The following FMR1 variants were observed in gnomAD, a reference collection of about 807,000 sequenced individuals.
FMR1 encodes FMRP translational regulator 1.
FMR1 carries 13 observed loss-of-function variants against 50.6 expected under a neutral mutation model. The ratio of observed to expected loss-of-function variants is 0.26; its 90% CI spans 0.17 to 0.41. The LOEUF is 0.41. Among genes scored for constraint, FMR1 ranks in the 10% least tolerant of loss-of-function variants. The pLI is 1.00. For synonymous variants in FMR1, 138 were observed against 164.1 expected (o/e 0.84, Z 1.22); for missense variants, 316 against 491.3 (o/e 0.64, Z 3.37).
At chrX:147,942,239 C>T (rs2044033081) in intron 13 of FMR1, among the ~76,000 whole-genome samples, 2 of 112,003 alleles carry the variant, frequency 1.8e-5, no homozygotes, top group South Asian at 7.4e-4. Context: ...CTATGATAAC[C>T]TCTGCTTCAC....
At position 147,945,064 on chromosome X, in the gene FMR1, T is replaced by G; in HGVS notation, c.1654+13T>G. On this transcript the variant is annotated intron_variant, in intron 15 of 16. Transcript: ENST00000370475. ...GGAGGCTTCAAAGGTATGGAGATCT[T>G]CATTAAGAAATCAAAGTGAATTGTA... 2.6e-6 allele frequency: 3 copies of G among 1,169,326 alleles called. No homozygotes were observed. Among genetic ancestry groups the G allele is most frequent in the African/African-American group, 1.8e-5 (1 of 56,181 alleles).
Position 147,918,316 on chromosome X carries a change from G to A in FMR1, c.52-3617G>A, listed in dbSNP as rs920125310. Among the ~76,000 whole-genome samples, 27 of 111,734 alleles carry A rather than the reference G, an allele frequency of 2.4e-4. 1 individual carries two copies. The highest frequency in any genetic ancestry group is 2.0e-3 in the Admixed American group (21 of 10,573). ...TCCTTCACGCGAGTGTAGACCAAAC[G>A]TAACCTATGAGTTTCTTTTATTCCA... is the stretch of plus-strand genomic sequence containing the variant. On this transcript the variant is annotated intron_variant, in intron 1 of 16. Coordinates refer to ENST00000370475, the MANE Select transcript of FMR1 (RefSeq NM_002024.6).
At chrX:147,934,581 T>C (rs2124530013) in intron 9 of FMR1, among the ~76,000 whole-genome samples, 1 of 111,885 alleles carries the variant, frequency 8.9e-6, no homozygotes, top group East Asian at 2.8e-4. Flanking sequence ...GAAATAAGTG[T>C]AATGTAGAAT....
At chrX:147,920,613 A>G (rs1191904752) in intron 1 of FMR1, among the ~76,000 whole-genome samples, 1 of 112,057 alleles carries the variant, frequency 8.9e-6, no homozygotes, top group Non-Finnish European at 1.9e-5. Flanking sequence ...ACTCTGCAGT[A>G]TATCCGTAAA....
Position 147,912,054 on chromosome X carries a change from C to A in FMR1, c.-126C>A, listed in dbSNP as rs1931615025. ...TGCCAGGGGGCGTGCGGCAGCGCGG[C>A]GGCGGCGGCGGCGGCGGCGGCGGCG... On this transcript the variant is annotated 5_prime_UTR_variant, in exon 1 of 17. Coordinates refer to ENST00000370475, the MANE Select transcript of FMR1 (RefSeq NM_002024.6). The A allele has an allele frequency of 1.6e-5, 2 of 127,379 alleles. No homozygotes were observed. The highest frequency in any genetic ancestry group is 2.7e-5 in the Non-Finnish European group (2 of 74,411). The allele number at this position is 127,379 out of a possible 1,213,427, so 10.5% of individuals were successfully genotyped here.
Position 147,948,907 on chromosome X carries a change from A to T in FMR1, c.*63A>T. The T allele has an allele frequency of 9.1e-7, 1 of 1,102,352 alleles. No individual in the cohort carries two copies. The highest frequency in any genetic ancestry group is 1.9e-5 in the South Asian group (1 of 53,979). The allele number at this position is 1,102,352 out of a possible 1,213,427, so 90.8% of individuals were successfully genotyped here. On this transcript the variant is annotated 3_prime_UTR_variant, in exon 17 of 17. Transcript: ENST00000370475. The stretch of plus-strand genomic sequence containing the variant: ...CCGTAATTCTTATTCCATATTAGAA[A>T]ACTTTGTTAGGCCAAAGACAAATAG...
At position 147,918,555 on chromosome X, in the gene FMR1, C is replaced by CTTTTTTTTTTTTTTTT. The variant is rs368581020; in HGVS notation, c.52-3368_52-3353dup. 3.0e-3 allele frequency among the ~76,000 whole-genome samples: 144 copies of CTTTTTTTTTTTTTTTT among 47,273 alleles called. 23 individuals are homozygous for CTTTTTTTTTTTTTTTT. Among genetic ancestry groups the CTTTTTTTTTTTTTTTT allele is most frequent in the African/African-American group, 9.3e-3 (86 of 9,273 alleles). The allele number at this position is 47,273 out of a possible 115,157, so 41.1% of individuals were successfully genotyped here. Reference sequence around the variant, plus strand: ...GAAATGCATTCAGAGCCTGCAAAAGCTTTTTTTTTTTTTTTTTTTTTTTTT... The same window carrying CTTTTTTTTTTTTTTTT: ...GAAATGCATTCAGAGCCTGCAAAAGCTTTTTTTTTTTTTTTTTTTTTTTTTTTTTTTTTTTTTTTTT... On this transcript the variant is annotated intron_variant, in intron 1 of 16. Transcript: ENST00000370475.
intron 1 of FMR1, among the ~76,000 whole-genome samples, chrX:147,920,172 T>G (rs2043088271): frequency 8.9e-6 from 1 of 112,399 alleles, no homozygotes; most frequent in South Asian, 3.6e-4. Context: ...TTGATGCATA[T>G]TCATTGATTT....
At chrX:147,942,648 A>G (rs371145443) in intron 13 of FMR1, among the ~76,000 whole-genome samples, 3 of 112,573 alleles carry the variant, frequency 2.7e-5, no homozygotes, top group Non-Finnish European at 3.8e-5. Flanking sequence ...CCCAAACTCA[A>G]TGCTTTGTAA....
At chrX:147,946,783 C>T (rs1320723907) in intron 16 of FMR1, among the ~76,000 whole-genome samples, 2 of 112,237 alleles carry the variant, frequency 1.8e-5, no homozygotes, top group African/African-American at 6.5e-5. Context: ...TTGGGACCAT[C>T]ACCCAAGATT....
intron 16 of FMR1, among the ~76,000 whole-genome samples, chrX:147,947,783 C>A (rs25723): frequency 0.14 from 15,976 of 110,788 alleles, 1,418 homozygotes; most frequent in East Asian, 0.7. Context: ...ATGCACATAC[C>A]CACTACTTAA....
intron 7 of FMR1, among the ~76,000 whole-genome samples, chrX:147,932,180 C>G (rs1305291327): frequency 4.5e-5 from 5 of 111,451 alleles, no homozygotes; most frequent in Admixed American, 9.6e-5. Context: ...CAGCAGTTAC[C>G]TTGGAAAATG....
intron 13 of FMR1, among the ~76,000 whole-genome samples, 185 bp downstream of exon 13, chrX:147,940,847 T>G (rs1557180715): frequency 1.8e-5 from 2 of 112,252 alleles, no homozygotes; most frequent in Non-Finnish European, 1.9e-5. Context: ...CTTTATAAAT[T>G]TAAGTACCAA....
At position 147,943,305 on chromosome X, in the gene FMR1, C is replaced by T. The variant is rs2044067381; in HGVS notation, c.1450C>T (p.Arg484Cys). The T allele has an allele frequency of 2.5e-6, 3 of 1,209,198 alleles. No homozygotes were observed. Among genetic ancestry groups the T allele is most frequent in the Non-Finnish European group, 3.4e-6 (3 of 893,427 alleles). Residue 484 changes from arginine (R) to cysteine (C), a missense_variant, in exon 14 of 17, where the codon CGC (arginine) becomes TGC (cysteine). Around this residue, in one of 4 missense-constraint regions of FMR1, gnomAD observed 124 missense variants for 160.8 expected, o/e 0.77. Transcript: ENST00000370475. ...RPYRNRGHGRRGPGYTSGTNS... is the reference protein window; with the variant it reads ...RPYRNRGHGRCGPGYTSGTNS... ...TTACAGAAATAGGGGGCACGGCAGA[C>T]GCGGTCCTGGATATACTTCAGGTAC...
intron 7 of FMR1, among the ~76,000 whole-genome samples, chrX:147,931,330 G>T (rs1444069451): frequency 2.7e-5 from 3 of 111,662 alleles, no homozygotes; most frequent in Non-Finnish European, 5.7e-5. Flanking sequence ...GAAAAAGAAC[G>T]AACCAGATTA....
intron 1 of FMR1, among the ~76,000 whole-genome samples, chrX:147,916,741 T>C (rs1487532885): frequency 9.0e-6 from 1 of 111,192 alleles, no homozygotes; most frequent in Non-Finnish European, 1.9e-5. Context: ...AGTTTGTTTC[T>C]TTGTTTCTTT....
chrX:147,941,613 G>C, intron 13 of FMR1, among the ~76,000 whole-genome samples: 2 of 112,004 alleles, frequency 1.8e-5, no homozygotes, highest in Non-Finnish European at 3.8e-5. Context: ...ATGGTGGCCA[G>C]TTAATTAAAA....
intron 13 of FMR1, among the ~76,000 whole-genome samples, chrX:147,940,970 AT>A (rs1202379132): frequency 9.0e-6 from 1 of 111,577 alleles, no homozygotes; most frequent in Non-Finnish European, 1.9e-5. Flanking sequence ...CCTTTCTAGC[AT>A]TTTGGTTTTT....
Position 147,944,991 on chromosome X carries a change from C to G in FMR1, c.1594C>G (p.Arg532Gly). 2 of 1,201,519 alleles carry G rather than the reference C, an allele frequency of 1.7e-6. No individual in the cohort carries two copies. The highest frequency in any genetic ancestry group is 2.2e-6 in the Non-Finnish European group (2 of 889,804). Residue 532 changes from arginine (R) to glycine (G), a missense_variant, in exon 15 of 17, where the codon CGG becomes GGG. Coordinates refer to ENST00000370475, the MANE Select transcript of FMR1 (RefSeq NM_002024.6). ...GAGCTTCCTGCGCAGAGGAGACGGA[C>G]GGCGGCGTGGAGGGGGAGGAAGAGG... ...RESFLRRGDGRRRGGGGRGQG... is the reference protein window; with the variant it reads ...RESFLRRGDGGRRGGGGRGQG...
Sources: allele counts gnomAD v4.1 joint callset (sites outside exome capture counted in the v4.1 genomes callset), GRCh38; gene constraint gnomAD v4.1.1; regional missense constraint gnomAD v4.1.1; transcripts MANE v1.5; gene names NCBI Gene and HGNC (gene_info 2026-07-23, HGNC 2026-07-21).